Variants in HPSE2 observed in about 807,000 individuals in gnomAD.
HPSE2 encodes the protein heparanase 2 (inactive).
HPSE2 carries 38 observed loss-of-function variants against 60.5 expected under a neutral mutation model. That is an observed-to-expected ratio of 0.63 (90% CI 0.48 to 0.82). HPSE2 has a LOEUF of 0.82. Among genes scored for constraint, HPSE2 ranks in the 40% least tolerant of loss-of-function variants. The pLI is 0.00. For missense variants in HPSE2, 713 were observed against 740.4 expected (o/e 0.96, Z 0.43); for synonymous variants, 295 against 293.2 (o/e 1.01, Z -0.06).
intron 2 of HPSE2, among the ~76,000 whole-genome samples, chr10:99,201,015 C>G (rs1848560071): frequency 6.6e-6 from 1 of 152,088 alleles, no homozygotes; most frequent in African/African-American, 2.4e-5. Flanking sequence ...TAGGTAAAAG[C>G]AGAAAAGTGA....
At chr10:98,677,095 T>A (rs1947664401) in intron 6 of HPSE2, among the ~76,000 whole-genome samples, 2 of 152,198 alleles carry the variant, frequency 1.3e-5, no homozygotes, top group South Asian at 2.1e-4. Flanking sequence ...CTTTCTACCA[T>A]CTCTTTCAGA....
At chr10:98,580,723 A>T (rs1398155494) in intron 9 of HPSE2, among the ~76,000 whole-genome samples, 2 of 151,592 alleles carry the variant, frequency 1.3e-5, no homozygotes, top group African/African-American at 4.8e-5. Context: ...TAGGCTATTC[A>T]CTGGTTTGCC....
intron 5 of HPSE2, among the ~76,000 whole-genome samples, chr10:98,705,615 TGAAGCCG>T (rs2134205230): frequency 6.6e-6 from 1 of 152,230 alleles, no homozygotes; most frequent in South Asian, 2.1e-4. Context: ...GTGACATGGT[TGAAGCCG>T]GAAGCCATTA....
chr10:98,559,277 C>T (rs1270759132), intron 9 of HPSE2, among the ~76,000 whole-genome samples: 1 of 152,194 alleles, frequency 6.6e-6, no homozygotes, highest in Non-Finnish European at 1.5e-5. Flanking sequence ...ATCCACCTAT[C>T]TTGGCCTCCC....
chr10:99,244,076 C>A, the HPSE2 span, among the ~76,000 whole-genome samples: 5 of 152,126 alleles, frequency 3.3e-5, no homozygotes, highest in African/African-American at 4.8e-5. Flanking sequence ...GAGACAGAGT[C>A]TCGCTCTGTC....
intron 2 of HPSE2, among the ~76,000 whole-genome samples, chr10:99,150,658 G>A (rs1451197381): frequency 2.0e-5 from 3 of 152,162 alleles, no homozygotes; most frequent in Admixed American, 1.3e-4. Context: ...TGGCACTTCA[G>A]GAGACATAAA....
chr10:98,880,360 T>C (rs1952989699), intron 3 of HPSE2, among the ~76,000 whole-genome samples: 1 of 152,070 alleles, frequency 6.6e-6, no homozygotes, highest in Admixed American at 6.6e-5. Flanking sequence ...TTCAAATACC[T>C]ACAACCTATT....
At chr10:98,618,945 T>C (rs900865948) in intron 8 of HPSE2, among the ~76,000 whole-genome samples, 3 of 152,182 alleles carry the variant, frequency 2.0e-5, no homozygotes, top group African/African-American at 7.2e-5. Context: ...ACTTCATGCA[T>C]TTGAACCACG....
chr10:99,237,541 A>G (rs1849890671), upstream of HPSE2, among the ~76,000 whole-genome samples: 1 of 152,214 alleles, frequency 6.6e-6, no homozygotes, highest in Non-Finnish European at 1.5e-5. Context: ...GTGAAGCGCC[A>G]TGACGACCTT....
chr10:98,934,028 G>A (rs767976078), intron 3 of HPSE2, among the ~76,000 whole-genome samples: 1 of 143,684 alleles, frequency 7.0e-6, no homozygotes, highest in Non-Finnish European at 1.5e-5. Flanking sequence ...CAGTGAGCCT[G>A]GCACCTTCTT....
At chr10:98,725,855 C>T (rs956543469) in intron 4 of HPSE2, among the ~76,000 whole-genome samples, 14 of 152,174 alleles carry the variant, frequency 9.2e-5, no homozygotes, top group African/African-American at 3.4e-4. Flanking sequence ...CAAAAGAAGA[C>T]ATTTATGCAG....
At chr10:98,810,769 A>C (rs1392642384) in intron 3 of HPSE2, among the ~76,000 whole-genome samples, 1 of 152,058 alleles carries the variant, frequency 6.6e-6, no homozygotes, top group Non-Finnish European at 1.5e-5. Context: ...AAAAAAAAAA[A>C]TAAAAATAAA....
At chr10:98,518,613 A>T (rs932271459) in intron 9 of HPSE2, among the ~76,000 whole-genome samples, 1 of 151,994 alleles carries the variant, frequency 6.6e-6, no homozygotes, top group African/African-American at 2.4e-5. Context: ...AGGCTGAGGC[A>T]GGAGAATCGC....
intron 6 of HPSE2, among the ~76,000 whole-genome samples, chr10:98,689,780 GT>G (rs1476425621): frequency 6.6e-6 from 1 of 152,194 alleles, no homozygotes; most frequent in Non-Finnish European, 1.5e-5. Flanking sequence ...GAAGGCATCA[GT>G]TTATGATTTT....
chr10:98,775,469 G>A (rs1950321287), intron 3 of HPSE2, among the ~76,000 whole-genome samples: 1 of 152,138 alleles, frequency 6.6e-6, no homozygotes, highest in Non-Finnish European at 1.5e-5. Context: ...TCTAGTTGGG[G>A]CAAATGCAAT....
chr10:98,801,958 G>A (rs570471426), intron 3 of HPSE2, among the ~76,000 whole-genome samples: 3 of 152,250 alleles, frequency 2.0e-5, no homozygotes, highest in Admixed American at 1.3e-4. Context: ...AGAGCTTGTA[G>A]TAGCCAATAT....
chr10:99,076,399 TCTTTTTGATACATAGTTTTG>T (rs1366118541), intron 3 of HPSE2, among the ~76,000 whole-genome samples: 1 of 152,198 alleles, frequency 6.6e-6, no homozygotes, highest in Admixed American at 6.5e-5. Context: ...TTTCATATTT[TCTTTTTGATACATAGTTTTG>T]CTTTCTCACC....
At chr10:98,973,103 T>C (rs1165212165) in intron 3 of HPSE2, among the ~76,000 whole-genome samples, 1 of 152,164 alleles carries the variant, frequency 6.6e-6, no homozygotes, top group Non-Finnish European at 1.5e-5. Context: ...TGATTTCTAC[T>C]ATACAATATA....
intron 3 of HPSE2, among the ~76,000 whole-genome samples, chr10:99,139,177 C>T (rs1845773274): frequency 2.0e-5 from 3 of 152,054 alleles, no homozygotes; most frequent in Admixed American, 6.6e-5. Flanking sequence ...AGTGCAGTAA[C>T]TCAGGAATGG....
Sources: gnomAD v4.1 joint callset for allele counts (sites outside exome capture counted in the v4.1 genomes callset) on GRCh38, gnomAD v4.1.1 for gene constraint, MANE v1.5 for transcripts, NCBI Gene and HGNC (gene_info 2026-07-23, HGNC 2026-07-21) for gene names.